The following HERC3 variants were observed in gnomAD, a reference collection of about 807,000 sequenced individuals.
HERC3 encodes the protein probable E3 ubiquitin-protein ligase HERC3.
A neutral mutation model predicts 129.9 loss-of-function variants in HERC3; 58 were observed. That is an observed-to-expected ratio of 0.45 (90% CI 0.36 to 0.56). The LOEUF (loss-of-function observed/expected upper bound fraction) is 0.56, where lower values mean the gene tolerates loss of function less well. Among genes scored for constraint, HERC3 ranks in the 20% least tolerant of loss-of-function variants. The pLI is 0.00. For missense variants in HERC3, 835 were observed against 1,244.2 expected, an observed-to-expected ratio of 0.67 and a Z score of 4.95; for synonymous variants, 430 against 451.0, an observed-to-expected ratio of 0.95 and a Z score of 0.59.
intron 3 of HERC3, among the ~76,000 whole-genome samples, chr4:88,639,851 A>G (rs1260053025): frequency 1.3e-5 from 2 of 152,230 alleles, no homozygotes; most frequent in Admixed American, 6.5e-5. Flanking sequence ...AAGGTCTAAT[A>G]TCTAGAATCT....
At chr4:88,561,620 A>G in the HERC3 span, among the ~76,000 whole-genome samples, 1 of 152,050 alleles carries the variant, frequency 6.6e-6, no homozygotes, top group Non-Finnish European at 1.5e-5. Context: ...TTCTAGCTAC[A>G]TTTTTGTACT....
intron 12 of HERC3, among the ~76,000 whole-genome samples, chr4:88,667,167 G>T (rs766926029): frequency 1.2e-4 from 18 of 152,166 alleles, no homozygotes; most frequent in Non-Finnish European, 2.4e-4. Context: ...AGGAATTCCA[G>T]TGTGGTTTAT....
the HERC3 span, among the ~76,000 whole-genome samples, chr4:88,566,771 C>G: frequency 6.6e-6 from 1 of 152,160 alleles, no homozygotes; most frequent in South Asian, 2.1e-4. Flanking sequence ...ATATACTACT[C>G]TAGGATACAT....
In HERC3 at chr4:88,617,783, A is replaced by G. The variant is rs544875992; in HGVS notation, c.226+11734A>G. 2.4e-3 allele frequency among the ~76,000 whole-genome samples: 367 copies of G among 152,238 alleles called. 2 individuals carry two copies. Among genetic ancestry groups the G allele is most frequent in the African/African-American group, 8.6e-3 (358 of 41,544 alleles). The stretch of plus-strand genomic sequence containing the variant: ...CTACTCGGGAGGCTGAGGCAGGAGA[A>G]TGACGTGAACCTGGGAGGCAGAGCT... On this transcript the variant is annotated intron_variant, in intron 3 of 25. Coordinates refer to ENST00000402738, the MANE Select transcript of HERC3 (RefSeq NM_014606.3).
the HERC3 span, among the ~76,000 whole-genome samples, chr4:88,558,086 A>AAAAAAAAAAG: frequency 6.6e-6 from 1 of 150,872 alleles, no homozygotes; most frequent in Non-Finnish European, 1.5e-5. Flanking sequence ...AAAAAAAAAA[A>AAAAAAAAAAG]AAAAAAAAAG....
intron 3 of HERC3, among the ~76,000 whole-genome samples, chr4:88,644,972 G>A (rs1728534848): frequency 6.6e-6 from 1 of 151,986 alleles, no homozygotes; most frequent in Admixed American, 6.6e-5. Context: ...GTCATGTTGT[G>A]GGAGGCAGGG....
At chr4:88,664,854 T>C (rs971042144) in intron 12 of HERC3, among the ~76,000 whole-genome samples, 1 of 152,180 alleles carries the variant, frequency 6.6e-6, no homozygotes, top group Admixed American at 6.6e-5. Context: ...ACCAGAGAAT[T>C]ATATTTGAGG....
chr4:88,622,487 C>T (rs1379012100), intron 3 of HERC3, among the ~76,000 whole-genome samples: 2 of 152,166 alleles, frequency 1.3e-5, no homozygotes, highest in African/African-American at 2.4e-5. Flanking sequence ...TTCATTTCTC[C>T]TAGGTATGTA....
At chr4:88,669,657 C>CA (rs1187754081) in intron 14 of HERC3, among the ~76,000 whole-genome samples, 6 of 151,944 alleles carry the variant, frequency 3.9e-5, no homozygotes, top group Non-Finnish European at 8.8e-5. Context: ...CCAGGCTTTA[C>CA]AAAAAAAGCT....
chr4:88,577,605 G>GTATATATATATATACATATATATA, the HERC3 span, among the ~76,000 whole-genome samples: 1 of 131,836 alleles, frequency 7.6e-6, no homozygotes, highest in Admixed American at 7.0e-5. Context: ...GTATGTGTGT[G>GTATATATATATATACATATATATA]TATATATATA....
upstream of HERC3, chr4:88,592,383 C>CATTG (rs1047859230): frequency 2.0e-5 from 3 of 152,508 alleles, no homozygotes; most frequent in African/African-American, 7.2e-5. Flanking sequence ...CGGCGGCCGC[C>CATTG]ATTGGCGCGG....
chr4:88,606,198 A>C, intron 3 of HERC3, 149 bp downstream of exon 3: 5 of 542,788 alleles, frequency 9.2e-6, no homozygotes, highest in Non-Finnish European at 1.3e-5. Context: ...CCTGTTTGGA[A>C]CCCTTGTGTC....
chr4:88,545,953 C>G, the HERC3 span, among the ~76,000 whole-genome samples: 2 of 151,948 alleles, frequency 1.3e-5, no homozygotes, highest in African/African-American at 4.8e-5. Context: ...GAATCTCAAC[C>G]AAATATTTAA....
chr4:88,684,982 A>G (rs1733252172), intron 21 of HERC3: 1 of 152,308 alleles, frequency 6.6e-6, no homozygotes, highest in Admixed American at 6.5e-5. Context: ...TGGCCAACAA[A>G]CGTATGAAAA....
At position 88,704,863 on chromosome 4, in the gene HERC3, C is replaced by CTTTCTTTCTTTTT. The variant is rs1336673525; in HGVS notation, c.2944+256_2944+257insCTTTCTTTTTTTT. On this transcript the variant is annotated intron_variant, in intron 25 of 25. Coordinates refer to ENST00000402738, the MANE Select transcript of HERC3 (RefSeq NM_014606.3). ...TCACTGATTTTTCTTTTCTTTCTTT[C>CTTTCTTTCTTTTT]TTTTTTTTTTTTTTTGAGACAGAGT... is the stretch of plus-strand genomic sequence containing the variant. 5.4e-5 allele frequency among the ~76,000 whole-genome samples: 7 copies of CTTTCTTTCTTTTT among 130,670 alleles called. No individual in the cohort carries two copies. The South Asian group carries it at 1.4e-3, about 26-fold the overall frequency. The allele number at this position is 130,670 out of a possible 152,430, so 85.7% of individuals were successfully genotyped here.
At chr4:88,632,984 G>A (rs1560697927) in intron 3 of HERC3, among the ~76,000 whole-genome samples, 1 of 152,128 alleles carries the variant, frequency 6.6e-6, no homozygotes, top group Non-Finnish European at 1.5e-5. Flanking sequence ...ATACTTGAAA[G>A]CCCAGAGAAA....
chr4:88,564,293 C>T, the HERC3 span, among the ~76,000 whole-genome samples: 1 of 152,178 alleles, frequency 6.6e-6, no homozygotes, highest in Non-Finnish European at 1.5e-5. Context: ...CAAGGTAATA[C>T]TGGCCTCACA....
At chr4:88,534,362 C>T in the HERC3 span, among the ~76,000 whole-genome samples, 2 of 152,188 alleles carry the variant, frequency 1.3e-5, no homozygotes, top group Non-Finnish European at 2.9e-5. Flanking sequence ...ACAGGACAGC[C>T]CCTCACGACA....
At chr4:88,643,510 G>C (rs996382757) in intron 3 of HERC3, among the ~76,000 whole-genome samples, 7 of 152,190 alleles carry the variant, frequency 4.6e-5, no homozygotes, top group Admixed American at 4.6e-4. Flanking sequence ...TAGTAATCCA[G>C]GGTATGTGGT....
Sources: gnomAD v4.1 joint callset for allele counts (sites outside exome capture counted in the v4.1 genomes callset) on GRCh38, gnomAD v4.1.1 for gene constraint, MANE v1.5 for transcripts, NCBI Gene and HGNC (gene_info 2026-07-23, HGNC 2026-07-21) for gene names.